UTRN: variants seen among roughly 807,000 people sequenced by gnomAD.
The protein encoded by UTRN is dystrophin-related protein 1.
In UTRN, 283 loss-of-function variants were observed where a neutral mutation model predicts 463.9. The ratio of observed to expected loss-of-function variants is 0.61; its 90% confidence interval spans 0.55 to 0.67. The LOEUF is 0.67. UTRN is among the 30% of genes least tolerant of loss of function. The pLI, the probability that UTRN is intolerant of heterozygous loss-of-function variation, is 0.00. For missense variants in UTRN, 3,922 were observed against 4,084.3 expected, an observed-to-expected ratio of 0.96 and a Z score of 1.08; for synonymous variants, 1,442 against 1,431.5, an observed-to-expected ratio of 1.01 and a Z score of -0.17.
At chr6:144,695,629 C>T (rs944114651) in intron 52 of UTRN, among the ~76,000 whole-genome samples, 3 of 152,248 alleles carry the variant, frequency 2.0e-5, no homozygotes, top group Admixed American at 1.3e-4. Context: ...AGGCGTGAGC[C>T]ACTGCGCTCA....
chr6:144,761,392 A>G (rs1164280556), intron 58 of UTRN, among the ~76,000 whole-genome samples: 1 of 152,100 alleles, frequency 6.6e-6, no homozygotes, highest in Non-Finnish European at 1.5e-5. Flanking sequence ...GCAGTGGCTC[A>G]TGCTTATAAT....
rs1239958099 is a variant in UTRN at position 144,732,253 on chromosome 6, TATATAC to T, written c.7939+1769_7939+1774del. 2.6e-4 allele frequency among the ~76,000 whole-genome samples: 29 copies of T among 112,428 alleles called. 1 individual carries two copies. Among genetic ancestry groups the T allele is most frequent in the African/African-American group, 1.0e-3 (23 of 22,216 alleles). The allele number at this position is 112,428 out of a possible 152,430, so 73.8% of individuals were successfully genotyped here. A position where few individuals can be genotyped will look rare whatever the true frequency, so the allele number is the denominator to read the frequency against. On this transcript the variant is annotated intron_variant, in intron 54 of 74. Transcript: ENST00000367545. ...ATATATATATACATATATATATATATATATACACACATATATATATATATACACACA... is the reference window on the plus strand; with the variant it reads ...ATATATATATACATATATATATATATACACATATATATATATATACACACA...
At chr6:144,797,281 C>T (rs1041086565) in intron 63 of UTRN, among the ~76,000 whole-genome samples, 1 of 151,836 alleles carries the variant, frequency 6.6e-6, no homozygotes, top group African/African-American at 2.4e-5. Flanking sequence ...CTCCGCCTCC[C>T]AGGTTCAAGC....
At chr6:144,725,617 A>G (rs1787789478) in intron 53 of UTRN, among the ~76,000 whole-genome samples, 2 of 152,218 alleles carry the variant, frequency 1.3e-5, no homozygotes, top group South Asian at 2.1e-4. Flanking sequence ...TCTGTGTACA[A>G]AACAGCTCAT....
chr6:144,654,937 G>A (rs1261282666), intron 51 of UTRN, among the ~76,000 whole-genome samples: 1 of 142,490 alleles, frequency 7.0e-6, no homozygotes, highest in Non-Finnish European at 1.5e-5. Context: ...TCCTGAAGAA[G>A]AAAAAGCTCT....
Position 144,286,440 on chromosome 6 carries a change from C to T in UTRN, c.-93+619C>T, listed in dbSNP as rs1803665174. On this transcript the variant is annotated intron_variant, in intron 1 of 74. Transcript: ENST00000367545. This position sits in a 1 kb window ranked among gnomAD's most constrained non-coding sequence, Gnocchi z 4.4. Reference sequence around the variant, plus strand: ...GCTCCGGAGAGTGTGGCGCGATCGCCAAGCTCCCTGGCAGCGGCCCTGGAG... The same window carrying T: ...GCTCCGGAGAGTGTGGCGCGATCGCTAAGCTCCCTGGCAGCGGCCCTGGAG... Among the ~76,000 whole-genome samples, 1 of 152,122 alleles carries T rather than the reference C, an allele frequency of 6.6e-6. No homozygotes were observed. Among genetic ancestry groups the T allele is most frequent in the Non-Finnish European group, 1.5e-5 (1 of 68,028 alleles).
At chr6:144,418,377 C>T (rs925274016) in intron 3 of UTRN, among the ~76,000 whole-genome samples, 69 of 86,646 alleles carry the variant, frequency 8.0e-4, no homozygotes, top group African/African-American at 2.2e-3. Context: ...CCACGCCCGG[C>T]TAATTTTTTT....
At position 144,490,191 on chromosome 6, in the gene UTRN, G is replaced by A. The variant is rs375397087; in HGVS notation, c.4255G>A (p.Val1419Met). ...RTARGGSQMDVLQRKLREVST... is the reference protein window; with the variant it reads ...RTARGGSQMDMLQRKLREVST... The stretch of plus-strand genomic sequence containing the variant: ...TGCCAGAGGAGGAAGTCAGATGGAT[G>A]TGCTACAGGTAAAGAAGGCCAGGAG... The change falls in exon 31 of 75, where the codon GTG becomes ATG. Residue 1419 changes from valine (V) to methionine (M), a missense_variant. Val to Met is a conservative substitution (Grantham distance 21). Transcript: ENST00000367545. 12 of 1,601,408 alleles carry A rather than the reference G, an allele frequency of 7.5e-6. No individual in the cohort carries two copies. Among genetic ancestry groups the A allele is most frequent in the Admixed American group, 3.6e-5 (2 of 55,566 alleles).
At chr6:144,650,662 G>A (rs532756822) in intron 51 of UTRN, among the ~76,000 whole-genome samples, 1 of 152,258 alleles carries the variant, frequency 6.6e-6, no homozygotes, top group African/African-American at 2.4e-5. Flanking sequence ...TGTAACCCTA[G>A]CACTTTAGGA....
At chr6:144,692,833 T>G (rs761826011) in intron 52 of UTRN, among the ~76,000 whole-genome samples, 1 of 152,130 alleles carries the variant, frequency 6.6e-6, no homozygotes, top group Non-Finnish European at 1.5e-5. Flanking sequence ...TTTTTCCCAT[T>G]CTGTATGTTT....
At chr6:144,539,206 A>C in intron 44 of UTRN, 88 bp from the exon 45 acceptor site, 1 of 1,347,934 alleles carries the variant, frequency 7.4e-7, no homozygotes, top group Middle Eastern at 1.9e-4. Context: ...TTACATTTGT[A>C]ATAATACCAA....
chr6:144,289,084 G>T (rs1328333824), intron 1 of UTRN, among the ~76,000 whole-genome samples: 1 of 152,196 alleles, frequency 6.6e-6, no homozygotes, highest in Non-Finnish European at 1.5e-5. Context: ...ACAGGCATGA[G>T]CCACCATGCT....
Position 144,825,908 on chromosome 6 carries a change from A to G in UTRN, c.9495-1440A>G, listed in dbSNP as rs375325795. ...AATTAAGTTTACTGACAGTATAGAT[A>G]TTCTGACAAACAGTCTGGATAAATG... On this transcript the variant is annotated intron_variant, in intron 66 of 74. Coordinates refer to ENST00000367545, the MANE Select transcript of UTRN (RefSeq NM_007124.3). Among the ~76,000 whole-genome samples the G allele has an allele frequency of 1.6e-4, 24 of 149,432 alleles. 1 individual carries two copies. In the South Asian group the frequency reaches 5.0e-3, roughly 31 times the overall value.
chr6:144,527,621 G>A (rs1796677864), intron 41 of UTRN, among the ~76,000 whole-genome samples: 1 of 152,176 alleles, frequency 6.6e-6, no homozygotes, highest in Non-Finnish European at 1.5e-5. Flanking sequence ...TTTTACTTGG[G>A]AACACAAATT....
intron 41 of UTRN, among the ~76,000 whole-genome samples, chr6:144,523,669 T>C (rs1233992437): frequency 6.6e-6 from 1 of 152,228 alleles, no homozygotes; most frequent in Non-Finnish European, 1.5e-5. Flanking sequence ...AATGTGATCA[T>C]GTATAGATGA....
At chr6:144,606,112 A>T (rs1197330363) in intron 51 of UTRN, among the ~76,000 whole-genome samples, 1 of 152,200 alleles carries the variant, frequency 6.6e-6, no homozygotes, top group African/African-American at 2.4e-5. Flanking sequence ...GAAATGTGAC[A>T]ATGCAGTGAT....
chr6:144,847,620 T>G (rs1274356141), intron 74 of UTRN, among the ~76,000 whole-genome samples: 1 of 152,092 alleles, frequency 6.6e-6, no homozygotes, highest in Non-Finnish European at 1.5e-5. Flanking sequence ...AGAGATGACT[T>G]CTAGTCCTGC....
rs2128767909 is a variant in UTRN at position 144,851,913 on chromosome 6, C to A, written c.*916C>A. On this transcript the variant is annotated 3_prime_UTR_variant, in exon 75 of 75. Transcript: ENST00000367545. ...ACACAGAAACAAAATTTAGTACAAC[C>A]TTTCCTAGTTCCCATGTCTTGATTT... The A allele has an allele frequency of 6.6e-6, 1 of 152,234 alleles. No homozygotes were observed. Among genetic ancestry groups the A allele is most frequent in the South Asian group, 2.1e-4 (1 of 4,824 alleles). 9.4% of individuals were successfully genotyped at this position (152,234 alleles called of 1,614,324 possible).
rs183634340 is a variant in UTRN at position 144,832,593 on chromosome 6, A to G, written c.9666-3187A>G. Among the ~76,000 whole-genome samples the G allele has an allele frequency of 7.2e-5, 11 of 152,340 alleles. No individual in the cohort carries two copies. In the East Asian group the frequency reaches 9.6e-4, roughly 13 times the overall value. On this transcript the variant is annotated intron_variant, in intron 69 of 74. Transcript: ENST00000367545. ...GTGCTGTAGTAAATGTTCTGAGGGC[A>G]TAATGGTGGCTTGTGATCTTGGAGG...
Sources: gnomAD v4.1 joint callset for allele counts (sites outside exome capture counted in the v4.1 genomes callset) on GRCh38, gnomAD v4.1.1 for gene constraint, Gnocchi (gnomAD v3.1) non-coding constraint, MANE v1.5 for transcripts, NCBI Gene and HGNC (gene_info 2026-07-23, HGNC 2026-07-21) for gene names.